Variants in LPAR1 observed in about 807,000 individuals in gnomAD.
The protein encoded by LPAR1 is LPA receptor 1.
LPAR1 carries 5 observed loss-of-function variants against 23.8 expected under a neutral mutation model. That is an observed-to-expected ratio of 0.21 (90% CI 0.11 to 0.44). The LOEUF (loss-of-function observed/expected upper bound fraction) is 0.44. LPAR1 is among the 20% of genes least tolerant of loss of function. LPAR1 has a pLI of 0.99. For missense variants in LPAR1, 311 were observed against 482.8 expected (o/e 0.64, Z 3.33); for synonymous variants, 160 against 164.7 (o/e 0.97, Z 0.22).
chr9:111,027,009 C>T (rs2141341984), intron 2 of LPAR1, among the ~76,000 whole-genome samples: 1 of 152,182 alleles, frequency 6.6e-6, no homozygotes, highest in Non-Finnish European at 1.5e-5. Flanking sequence ...GTGTCTCTGC[C>T]AGGTTTTAGT....
intron 5 of LPAR1, among the ~76,000 whole-genome samples, chr9:110,885,600 G>A (rs2082151282): frequency 1.3e-5 from 2 of 152,226 alleles, no homozygotes; most frequent in Non-Finnish European, 2.9e-5. Context: ...GGAACAGAAT[G>A]TGACCCCTGA....
chr9:111,007,102 CAT>C (rs905796089), intron 2 of LPAR1, among the ~76,000 whole-genome samples: 70 of 152,266 alleles, frequency 4.6e-4, no homozygotes, highest in African/African-American at 1.4e-3. Flanking sequence ...GTTTTCACCA[CAT>C]GAGGTGCCTC....
chr9:110,966,622 A>G (rs74569044), intron 4 of LPAR1, among the ~76,000 whole-genome samples: 1 of 152,244 alleles, frequency 6.6e-6, no homozygotes, highest in East Asian at 1.9e-4. Flanking sequence ...GAATAAAATA[A>G]TTTAAATTCA....
At chr9:110,995,879 G>A (rs2096990387) in intron 2 of LPAR1, among the ~76,000 whole-genome samples, 1 of 152,182 alleles carries the variant, frequency 6.6e-6, no homozygotes, top group African/African-American at 2.4e-5. Flanking sequence ...TGTTATGAAA[G>A]GGTTTAAAAT....
intron 2 of LPAR1, among the ~76,000 whole-genome samples, chr9:110,997,979 T>G (rs2097051645): frequency 6.6e-6 from 1 of 152,214 alleles, no homozygotes; most frequent in Non-Finnish European, 1.5e-5. Flanking sequence ...AATTGTAATA[T>G]GTGGCACACA....
intron 4 of LPAR1, among the ~76,000 whole-genome samples, chr9:110,964,033 C>G (rs1438528344): frequency 6.6e-6 from 1 of 152,200 alleles, no homozygotes; most frequent in Non-Finnish European, 1.5e-5. Context: ...TGAAAGAAAG[C>G]ACTGTCAAGA....
At position 110,918,878 on chromosome 9, in the gene LPAR1, A is replaced by C. The variant is rs1469849383; in HGVS notation, c.793+22543T>G. ...CAATTCCTTTAAAACAGCATTTTTG[A>C]AAAGCTGGTTTTTTTTTTTCCATCT... On this transcript the variant is annotated intron_variant, in intron 5 of 5. Coordinates refer to ENST00000683809, the MANE Select transcript of LPAR1 (RefSeq NM_001351411.2). Among the ~76,000 whole-genome samples the C allele has an allele frequency of 2.0e-5, 3 of 152,110 alleles. No homozygotes were observed. In the South Asian group the frequency reaches 6.2e-4, roughly 32 times the overall value.
intron 5 of LPAR1, among the ~76,000 whole-genome samples, chr9:110,936,205 T>G (rs1020370994): frequency 6.6e-6 from 1 of 152,250 alleles, no homozygotes; most frequent in Non-Finnish European, 1.5e-5. Flanking sequence ...TAAAGAATTT[T>G]TTCTCTTATC....
intron 5 of LPAR1, among the ~76,000 whole-genome samples, chr9:110,911,634 A>AT (rs2092445933): frequency 6.6e-6 from 1 of 152,218 alleles, no homozygotes; most frequent in Non-Finnish European, 1.5e-5. Context: ...TCAAAAGATT[A>AT]TGACTTAAGG....
At chr9:110,880,820 G>T (rs491749) in intron 5 of LPAR1, among the ~76,000 whole-genome samples, 2 of 151,974 alleles carry the variant, frequency 1.3e-5, no homozygotes, top group Non-Finnish European at 2.9e-5. Context: ...GTCAGGCAGC[G>T]TGGTATCCCA....
At chr9:110,882,428 T>G (rs531615309) in intron 5 of LPAR1, among the ~76,000 whole-genome samples, 91 of 152,190 alleles carry the variant, frequency 6.0e-4, no homozygotes, top group African/African-American at 1.9e-3. Context: ...AAATTACGGG[T>G]GGAAAATAAA....
Position 110,992,318 on chromosome 9 carries a change from T to C in LPAR1, c.-181-18760A>G, listed in dbSNP as rs146296778. Among the ~76,000 whole-genome samples the C allele has an allele frequency of 4.1e-4, 63 of 152,268 alleles. 1 individual carries two copies. In the East Asian group the frequency reaches 0.012, roughly 29 times the overall value. ...CAATGAAACACCACTACATGACTAT[T>C]AGAATGGATAAAATTGAAAAAACCA... On this transcript the variant is annotated intron_variant, in intron 2 of 5. Transcript: ENST00000683809.
At chr9:110,937,169 A>G (rs549841639) in intron 5 of LPAR1, among the ~76,000 whole-genome samples, 5 of 152,322 alleles carry the variant, frequency 3.3e-5, no homozygotes, top group Admixed American at 2.0e-4. Flanking sequence ...AAGGAAGAAA[A>G]GATTGCTCCC....
chr9:110,880,340 T>A (rs2080402293), intron 5 of LPAR1, among the ~76,000 whole-genome samples: 1 of 152,152 alleles, frequency 6.6e-6, no homozygotes, highest in South Asian at 2.1e-4. Flanking sequence ...ATCGAGATCA[T>A]ATTACCACAC....
intron 2 of LPAR1, among the ~76,000 whole-genome samples, chr9:111,026,817 G>A (rs1413864495): frequency 2.6e-5 from 4 of 152,170 alleles, no homozygotes; most frequent in African/African-American, 9.7e-5. Flanking sequence ...CTGTTTATGC[G>A]ATGGATTACG....
intron 5 of LPAR1, among the ~76,000 whole-genome samples, chr9:110,899,908 C>A (rs1374812931): frequency 2.0e-5 from 3 of 152,096 alleles, no homozygotes; most frequent in Non-Finnish European, 4.4e-5. Context: ...TACACCACCC[C>A]CATGCCCCCA....
intron 5 of LPAR1, among the ~76,000 whole-genome samples, chr9:110,924,161 A>G (rs2093836676): frequency 6.6e-6 from 1 of 152,094 alleles, no homozygotes; most frequent in Non-Finnish European, 1.5e-5. Flanking sequence ...AAGAACATTT[A>G]ACAATAAGTC....
At chr9:110,999,974 G>C (rs1182899581) in intron 2 of LPAR1, among the ~76,000 whole-genome samples, 1 of 152,080 alleles carries the variant, frequency 6.6e-6, no homozygotes, top group African/African-American at 2.4e-5. Context: ...CAGCCTCCCA[G>C]AGTGCTGGGA....
chr9:110,883,585 T>C (rs1453978610), intron 5 of LPAR1, among the ~76,000 whole-genome samples: 1 of 152,206 alleles, frequency 6.6e-6, no homozygotes, highest in Non-Finnish European at 1.5e-5. Flanking sequence ...TGTGACTAGA[T>C]ATCATAAATG....
Sources: gnomAD v4.1 joint callset for allele counts (sites outside exome capture counted in the v4.1 genomes callset) on GRCh38, gnomAD v4.1.1 for gene constraint, MANE v1.5 for transcripts, NCBI Gene and HGNC (gene_info 2026-07-23, HGNC 2026-07-21) for gene names.